SURF6: variants seen among roughly 807,000 people sequenced by gnomAD.
SURF6 encodes surfeit 6.
A neutral mutation model predicts 37.5 loss-of-function variants in SURF6; 28 were observed. That is an observed-to-expected ratio of 0.75 (90% confidence interval 0.55 to 1.02). The LOEUF (loss-of-function observed/expected upper bound fraction) is 1.02, where lower values mean the gene tolerates loss of function less well. SURF6 is among the 50% of genes least tolerant of loss of function. The probability of loss-of-function intolerance (pLI) is 0.00; values close to 1 mark genes in which losing one functional copy is unlikely to be tolerated. For synonymous variants in SURF6, 248 were observed against 210.9 expected, an observed-to-expected ratio of 1.18 and a Z score of -1.52; for missense variants, 560 against 490.5, an observed-to-expected ratio of 1.14 and a Z score of -1.34.
intron 2 of SURF6, 52 bp downstream of exon 2, chr9:133,334,340 C>G: frequency 6.6e-7 from 1 of 1,525,082 alleles, no homozygotes; most frequent in Non-Finnish European, 8.8e-7. Context: ...CAAGCCCAAG[C>G]CCAGCCCCAG....
At position 133,329,487 on chromosome 9, in the gene SURF6, G is replaced by C. The variant is rs142529018; in HGVS notation, c.*2382C>G. 4.1e-6 allele frequency: 1 copy of C among 243,512 alleles called. No homozygotes were observed. The highest frequency in any genetic ancestry group is 8.2e-6 in the Non-Finnish European group (1 of 121,432). The allele number at this position is 243,512 out of a possible 1,614,324, so 15.1% of individuals were successfully genotyped here. On this transcript the variant is annotated 3_prime_UTR_variant, in exon 5 of 5. Transcript: ENST00000372022. ...GCTAGACCATGGTCCACCTGGCAAC[G>C]GGCGTCTTCCCAGACGCTGGCGTCA...
At position 133,331,833 on chromosome 9, in the gene SURF6, C is replaced by T. The variant is rs2129911803; in HGVS notation, c.*36G>A. 1.2e-5 allele frequency: 18 copies of T among 1,496,236 alleles called. No homozygotes were observed. The highest frequency in any genetic ancestry group is 2.7e-5 in the South Asian group (2 of 74,434). The allele number at this position is 1,496,236 out of a possible 1,614,324, so 92.7% of individuals were successfully genotyped here. A position where few individuals can be genotyped will look rare whatever the true frequency, so the allele number is the denominator to read the frequency against. Reference sequence around the variant, plus strand: ...GACTCAGAGGGTGTCCTGGAGTCTCCTAGGACGGAAGACGGCGGCCCCAGG... The same window carrying T: ...GACTCAGAGGGTGTCCTGGAGTCTCTTAGGACGGAAGACGGCGGCCCCAGG... On this transcript the variant is annotated 3_prime_UTR_variant, in exon 5 of 5. Coordinates refer to ENST00000372022, the MANE Select transcript of SURF6 (RefSeq NM_006753.6).
At chr9:133,335,870 C>G (rs1835861544) in intron 1 of SURF6, among the ~76,000 whole-genome samples, 169 bp downstream of exon 1, 2 of 152,040 alleles carry the variant, frequency 1.3e-5, no homozygotes, top group Admixed American at 1.3e-4. Context: ...AGCGAGACTC[C>G]GTCTCCAAAA....
Position 133,331,758 on chromosome 9 carries a change from C to A in SURF6, c.*111G>T. On this transcript the variant is annotated 3_prime_UTR_variant, in exon 5 of 5. Transcript: ENST00000372022. Reference sequence around the variant, plus strand: ...GCAGAGCACCACTGTGTCCCCCTCACATGGAGAGGCCGAGGTCTGTGGAGA... The same window carrying A: ...GCAGAGCACCACTGTGTCCCCCTCAAATGGAGAGGCCGAGGTCTGTGGAGA... 1.4e-6 allele frequency: 2 copies of A among 1,387,594 alleles called. No homozygotes were observed. Among genetic ancestry groups the A allele is most frequent in the South Asian group, 3.2e-5 (2 of 61,652 alleles). The allele number at this position is 1,387,594 out of a possible 1,614,324, so 86.0% of individuals were successfully genotyped here. A position where few individuals can be genotyped will look rare whatever the true frequency, so the allele number is the denominator to read the frequency against.
In SURF6 at chr9:133,332,579, G is replaced by A. The variant is rs2129919523; in HGVS notation, c.575C>T (p.Pro192Leu). 3.2e-5 allele frequency: 51 copies of A among 1,609,196 alleles called. 1 individual carries two copies. In the South Asian group the frequency reaches 4.0e-4, roughly 12 times the overall value. The change falls in exon 4 of 5, where the codon CCG becomes CTG. Residue 192 changes from proline to leucine, a missense_variant. Transcript: ENST00000372022. ...GAAGATCAGCCCGGGCGGCTCCCGC[G>A]GCTCCGTGCAGGCCCCCTCTGGGGT... ...EATPEGACTE[P>L]REPPGLIFNK...
chr9:133,330,031 C>T lies in SURF6; in HGVS notation c.*1838G>A, dbSNP rs1835686254. On this transcript the variant is annotated 3_prime_UTR_variant, in exon 5 of 5. Transcript: ENST00000372022. ...CTCAATTTCATCAGTGATTACAACT[C>T]AGGCTTTCTATTACTTTTAGTCAGT... is the stretch of plus-strand genomic sequence containing the variant. 1 of 152,198 alleles carries T rather than the reference C, an allele frequency of 6.6e-6. No individual in the cohort carries two copies. The highest frequency in any genetic ancestry group is 1.5e-5 in the Non-Finnish European group (1 of 68,028). The allele number at this position is 152,198 out of a possible 1,614,324, so 9.4% of individuals were successfully genotyped here. A position where few individuals can be genotyped will look rare whatever the true frequency, so the allele number is the denominator to read the frequency against.
In SURF6 at chr9:133,330,945, CCT is replaced by C. The variant is rs1164969600; in HGVS notation, c.*922_*923del. ...TTTCACAGGGCTTTTTCATCAGTTGCCTCTGTCTGGTAACAGTCACACCAGCT... is the reference window on the plus strand; with the variant it reads ...TTTCACAGGGCTTTTTCATCAGTTGCCTGTCTGGTAACAGTCACACCAGCT... On this transcript the variant is annotated 3_prime_UTR_variant, in exon 5 of 5. Coordinates refer to ENST00000372022, the MANE Select transcript of SURF6 (RefSeq NM_006753.6). 2 of 152,194 alleles carry C rather than the reference CCT, an allele frequency of 1.3e-5. No individual in the cohort carries two copies. The highest frequency in any genetic ancestry group is 2.1e-4 in the South Asian group (1 of 4,826). 9.4% of individuals were successfully genotyped at this position (152,194 alleles called of 1,614,324 possible). A position where few individuals can be genotyped will look rare whatever the true frequency, so the allele number is the denominator to read the frequency against.
chr9:133,332,743 C>A lies in SURF6; in HGVS notation c.411G>T (p.Leu137=). Residue 137 remains leucine (L), a synonymous_variant, in exon 4 of 5, where the codon CTG becomes CTT. Coordinates refer to ENST00000372022, the MANE Select transcript of SURF6 (RefSeq NM_006753.6). ...EARGQGSAKE[L]SPAALEKRRR... ...GCCTTTTCTCCAAGGCGGCAGGGGACAGCTCCTTGGCACTGCCCTGGGGGA... is the reference window on the plus strand; with the variant it reads ...GCCTTTTCTCCAAGGCGGCAGGGGAAAGCTCCTTGGCACTGCCCTGGGGGA... 1 of 1,611,134 alleles carries A rather than the reference C, an allele frequency of 6.2e-7. No individual in the cohort carries two copies. The highest frequency in any genetic ancestry group is 8.5e-7 in the Non-Finnish European group (1 of 1,180,006).
In SURF6 at chr9:133,331,846, C is replaced by T. The variant is rs2129911899; in HGVS notation, c.*23G>A. On this transcript the variant is annotated 3_prime_UTR_variant, in exon 5 of 5. Coordinates refer to ENST00000372022, the MANE Select transcript of SURF6 (RefSeq NM_006753.6). The stretch of plus-strand genomic sequence containing the variant: ...TCCTGGAGTCTCCTAGGACGGAAGA[C>T]GGCGGCCCCAGGTGGGAAAGACTCA... 7.4e-6 allele frequency: 11 copies of T among 1,496,542 alleles called. No homozygotes were observed. In the East Asian group the frequency reaches 9.2e-5, roughly 13 times the overall value. The allele number at this position is 1,496,542 out of a possible 1,614,324, so 92.7% of individuals were successfully genotyped here.
chr9:133,332,096 G>A lies in SURF6; in HGVS notation c.859C>T (p.Arg287Cys), dbSNP rs140866414. Residue 287 changes from arginine (R) to cysteine (C), a missense_variant, in exon 5 of 5, where the codon CGC becomes TGC. Arg to Cys is a radical substitution (Grantham distance 180). Transcript: ENST00000372022. Reference protein sequence around the residue: ...AEGVKIRDDERLLQEALKRKE... With the variant: ...AEGVKIRDDECLLQEALKRKE... ...CGCTTCAGGGCCTCCTGCAGCAGGC[G>A]TTCGTCGTCACGGATCTTCACGCCC... is the stretch of plus-strand genomic sequence containing the variant. The A allele has an allele frequency of 6.2e-6, 10 of 1,609,000 alleles. No homozygotes were observed. In the South Asian group the frequency reaches 8.8e-5, roughly 14 times the overall value.
intron 3 of SURF6, chr9:133,333,012 G>T: frequency 1.8e-6 from 1 of 566,696 alleles, no homozygotes; most frequent in South Asian, 2.1e-5. Context: ...GATACATTAC[G>T]CACATGGTTT....
Position 133,329,385 on chromosome 9 carries a change from A to C in SURF6, c.*2484T>G. 4.3e-6 allele frequency: 1 copy of C among 232,988 alleles called. No individual in the cohort carries two copies. The allele number at this position is 232,988 out of a possible 1,614,324, so 14.4% of individuals were successfully genotyped here. ...GGTGGAAGAGCAGAGTCTTCTCTAA[A>C]CTCCTCCAGGGAAAGGGACACTCCC... On this transcript the variant is annotated 3_prime_UTR_variant, in exon 5 of 5. Transcript: ENST00000372022.
In SURF6 at chr9:133,332,031, C is replaced by T. The variant is rs2129914126; in HGVS notation, c.924G>A (p.Glu308=). The change falls in exon 5 of 5, where the codon GAG becomes GAA. Residue 308 remains glutamate (E), a synonymous_variant. Transcript: ENST00000372022. The part of the protein sequence containing the change: ...KRRAQRQRRW[E]KRTAGVVEKM... ...TCTCCACCACGCCGGCCGTGCGCTT[C>T]TCCCACCGGCGCTGCCGCTGCGCCC... The T allele has an allele frequency of 2.7e-5, 43 of 1,602,270 alleles. No homozygotes were observed. The East Asian group carries it at 7.8e-4, about 29-fold the overall frequency.
At position 133,331,960 on chromosome 9, in the gene SURF6, T is replaced by C. The variant is rs2129913203; in HGVS notation, c.995A>G (p.Lys332Arg). 2 of 1,594,974 alleles carry C rather than the reference T, an allele frequency of 1.3e-6. No individual in the cohort carries two copies. The highest frequency in any genetic ancestry group is 2.2e-5 in the South Asian group (2 of 90,608). ...GCGGCGCTCGGCGCGGGCCGCCTTC[T>C]TCCTGCGCAGGTTCTGCCGCCGCCG... ...QDRRRQNLRR[K>R]KAARAERRLL... Residue 332 changes from lysine (K) to arginine (R), a missense_variant, in exon 5 of 5, where the codon AAG becomes AGG. Physicochemically the swap from Lys to Arg is conservative, Grantham distance 26 (BLOSUM62 2). Coordinates refer to ENST00000372022, the MANE Select transcript of SURF6 (RefSeq NM_006753.6).
chr9:133,334,009 G>A (rs1406350588), intron 2 of SURF6, among the ~76,000 whole-genome samples: 2 of 152,158 alleles, frequency 1.3e-5, no homozygotes, highest in African/African-American at 2.4e-5. Context: ...GTAGGTCACC[G>A]TGGTATGAGA....
At chr9:133,334,302 CTTT>C (rs1180078203) in intron 2 of SURF6, 87 bp downstream of exon 2, 4 of 1,251,384 alleles carry the variant, frequency 3.2e-6, no homozygotes, top group Admixed American at 2.5e-5. Context: ...CCTGCTGCTG[CTTT>C]TTTTTTCTTA....
intron 3 of SURF6, 58 bp downstream of exon 3, chr9:133,333,660 A>G (rs1293714299): frequency 6.5e-7 from 1 of 1,539,822 alleles, no homozygotes; most frequent in Non-Finnish European, 9.0e-7. Context: ...CTGACAGCTG[A>G]CCCCAGGGAG....
chr9:133,334,289 G>A (rs1011235626), intron 2 of SURF6, 103 bp downstream of exon 2: 7 of 1,077,252 alleles, frequency 6.5e-6, no homozygotes, highest in African/African-American at 6.4e-5. Context: ...CTATCCCTGT[G>A]CGCCTGCTGC....
chr9:133,332,578 C>T lies in SURF6; in HGVS notation c.576G>A (p.Pro192=), dbSNP rs2129919487. ...EATPEGACTE[P]REPPGLIFNK... ...TGAAGATCAGCCCGGGCGGCTCCCGCGGCTCCGTGCAGGCCCCCTCTGGGG... is the reference window on the plus strand; with the variant it reads ...TGAAGATCAGCCCGGGCGGCTCCCGTGGCTCCGTGCAGGCCCCCTCTGGGG... Residue 192 remains proline (P), a synonymous_variant, in exon 4 of 5, where the codon CCG becomes CCA. Transcript: ENST00000372022. 7.5e-6 allele frequency: 12 copies of T among 1,609,240 alleles called. No individual in the cohort carries two copies. The highest frequency in any genetic ancestry group is 3.3e-4 in the Middle Eastern group (2 of 6,060).
Sources: allele counts gnomAD v4.1 joint callset (sites outside exome capture counted in the v4.1 genomes callset), GRCh38; gene constraint gnomAD v4.1.1; transcripts MANE v1.5; gene names NCBI Gene and HGNC (gene_info 2026-07-23, HGNC 2026-07-21).